Variants in MROH1 observed in about 807,000 individuals in gnomAD.
MROH1 encodes the protein maestro heat-like repeat-containing protein family member 1.
A neutral mutation model predicts 116.5 loss-of-function variants in MROH1; 117 were observed. The ratio of observed to expected loss-of-function variants is 1.00; its 90% CI spans 0.86 to 1.17. MROH1 has a LOEUF of 1.17. MROH1 is among the 50% of genes most tolerant of loss of function. The probability of loss-of-function intolerance (pLI) is 0.00; values close to 1 mark genes in which losing one functional copy is unlikely to be tolerated. For missense variants in MROH1, 1,873 were observed against 1,338.5 expected (o/e 1.40, Z -6.23); for synonymous variants, 921 against 583.9 (o/e 1.58, Z -8.32).
At chr8:144,221,087 G>A (rs1430340156) in intron 13 of MROH1, among the ~76,000 whole-genome samples, 1 of 152,182 alleles carries the variant, frequency 6.6e-6, no homozygotes, top group South Asian at 2.1e-4. Flanking sequence ...CCTCCCCTGG[G>A]GTCGCGGACA....
chr8:144,169,119 C>T (rs140302873), intron 4 of MROH1, among the ~76,000 whole-genome samples: 41 of 152,360 alleles, frequency 2.7e-4, no homozygotes, highest in African/African-American at 9.1e-4. Flanking sequence ...AGCGTTAGCA[C>T]TGCATTGTTT....
At chr8:144,228,857 T>C (rs1838294754) in intron 14 of MROH1, among the ~76,000 whole-genome samples, 2 of 152,242 alleles carry the variant, frequency 1.3e-5, no homozygotes, top group South Asian at 4.1e-4. Flanking sequence ...TGCTATTTGA[T>C]AGCATTTTAC....
At chr8:144,207,737 A>G (rs2132028384) in intron 12 of MROH1, among the ~76,000 whole-genome samples, 1 of 152,198 alleles carries the variant, frequency 6.6e-6, no homozygotes, top group Admixed American at 6.5e-5. Context: ...TCTTTATTGG[A>G]TACATAGAGA....
intron 12 of MROH1, among the ~76,000 whole-genome samples, chr8:144,205,241 G>A (rs1179959762): frequency 6.6e-6 from 1 of 152,194 alleles, no homozygotes; most frequent in East Asian, 1.9e-4. Context: ...GCAAGTTGAG[G>A]CCGTGGTTGG....
chr8:144,189,278 T>C (rs1827963522), intron 7 of MROH1, among the ~76,000 whole-genome samples: 1 of 152,184 alleles, frequency 6.6e-6, no homozygotes. Context: ...TTCAGGGCTC[T>C]GGACTTTGCC....
intron 35 of MROH1, among the ~76,000 whole-genome samples, chr8:144,257,719 G>A (rs1354513433): frequency 1.3e-5 from 2 of 152,374 alleles, no homozygotes; most frequent in African/African-American, 2.4e-5. Flanking sequence ...CAGGGGCCCT[G>A]TGGGACACCT....
intron 28 of MROH1, 116 bp downstream of exon 28, chr8:144,244,655 A>T (rs1841581720): frequency 1.4e-6 from 1 of 691,326 alleles, no homozygotes; most frequent in African/African-American, 1.8e-5. Flanking sequence ...TGCTCTCTGC[A>T]CTTGGGGGTG....
chr8:144,231,771 G>A (rs11995892), intron 14 of MROH1, among the ~76,000 whole-genome samples: 9,205 of 152,254 alleles, frequency 0.06, 958 homozygotes, highest in African/African-American at 0.21. Context: ...AAAGGCGCCC[G>A]TAGACTCACT....
In MROH1 at chr8:144,261,837, T is replaced by A; in HGVS notation, c.*97T>A. On this transcript the variant is annotated 3_prime_UTR_variant, in exon 44 of 44. Transcript: ENST00000326134. The stretch of plus-strand genomic sequence containing the variant: ...GAGGACCACAGCCTGGGCACACGAC[T>A]GGAGGGGCCTGGCCCCAGAACAGGC... The A allele has an allele frequency of 4.3e-6, 3 of 698,378 alleles. No homozygotes were observed. Among genetic ancestry groups the A allele is most frequent in the South Asian group, 3.0e-5 (2 of 67,076 alleles). The allele number at this position is 698,378 out of a possible 1,614,324, so 43.3% of individuals were successfully genotyped here.
At chr8:144,148,275 C>T (rs923803177) in intron 1 of MROH1, among the ~76,000 whole-genome samples, 199 bp downstream of exon 1, 6 of 152,202 alleles carry the variant, frequency 3.9e-5, no homozygotes, top group Non-Finnish European at 5.9e-5. Context: ...GTGCGCCGCG[C>T]CACAGCCCGG....
chr8:144,196,406 G>A (rs2131702165), intron 10 of MROH1, among the ~76,000 whole-genome samples: 1 of 151,712 alleles, frequency 6.6e-6, no homozygotes, highest in African/African-American at 2.4e-5. Context: ...GCCCAGGCTG[G>A]AGTGCAGTGG....
At chr8:144,215,139 C>T (rs1368403288) in intron 12 of MROH1, among the ~76,000 whole-genome samples, 3 of 152,212 alleles carry the variant, frequency 2.0e-5, no homozygotes, top group Admixed American at 2.0e-4. Flanking sequence ...CATCCAGGAA[C>T]AATACTTTGC....
chr8:144,199,376 A>T (rs1177151097), intron 11 of MROH1, among the ~76,000 whole-genome samples, 176 bp downstream of exon 11: 3 of 152,110 alleles, frequency 2.0e-5, no homozygotes, highest in Non-Finnish European at 4.4e-5. Flanking sequence ...GGGCCTGGGC[A>T]GTGGCTGCAG....
In MROH1 at chr8:144,175,552, T is replaced by C. The variant is rs144022177; in HGVS notation, c.169-3903T>C. The C allele has an allele frequency of 1.0e-5, 10 of 985,440 alleles. No individual in the cohort carries two copies. In the African/African-American group the frequency reaches 1.7e-4, roughly 17 times the overall value. 61.0% of individuals were successfully genotyped at this position (985,440 alleles called of 1,614,324 possible). ...ATCCACCCACTTAGAGCCTCAGCTCTGCGACGTCCCAGGTGGGGATGGGCT... is the reference window on the plus strand; with the variant it reads ...ATCCACCCACTTAGAGCCTCAGCTCCGCGACGTCCCAGGTGGGGATGGGCT... On this transcript the variant is annotated intron_variant, in intron 4 of 43. Coordinates refer to ENST00000326134, the MANE Select transcript of MROH1 (RefSeq NM_032450.3).
Position 144,196,872 on chromosome 8 carries a change from G to C in MROH1, c.949-2250G>C, listed in dbSNP as rs1209098289. On this transcript the variant is annotated intron_variant, in intron 10 of 43. Transcript: ENST00000326134. ...AGCACTTTGGGAGACCGAGGCGGTG[G>C]ACCACGAGGTCAGGAGTTCAAGACC... 2.6e-5 allele frequency among the ~76,000 whole-genome samples: 4 copies of C among 151,332 alleles called. No homozygotes were observed. The South Asian group carries it at 8.4e-4, about 32-fold the overall frequency.
At chr8:144,230,561 T>C (rs1160756294) in intron 14 of MROH1, among the ~76,000 whole-genome samples, 1 of 151,998 alleles carries the variant, frequency 6.6e-6, no homozygotes, top group Non-Finnish European at 1.5e-5. Context: ...TAGTATTTTA[T>C]TGAGGATTTT....
At chr8:144,259,444 C>T (rs1277619087) in intron 37 of MROH1, 90 bp downstream of exon 37, 10 of 705,928 alleles carry the variant, frequency 1.4e-5, no homozygotes, top group East Asian at 8.1e-5. Context: ...CCCTAAAAGG[C>T]CCCCTCGACC....
Position 144,244,242 on chromosome 8 carries a change from A to G in MROH1, c.2576A>G (p.Asp859Gly), listed in dbSNP as rs1425912963. 2 of 718,066 alleles carry G rather than the reference A, an allele frequency of 2.8e-6. No homozygotes were observed. The highest frequency in any genetic ancestry group is 5.2e-6 in the Non-Finnish European group (2 of 384,960). 44.5% of individuals were successfully genotyped at this position (718,066 alleles called of 1,614,324 possible). A position where few individuals can be genotyped will look rare whatever the true frequency, so the allele number is the denominator to read the frequency against. Residue 859 changes from aspartate to glycine, a missense_variant, in exon 27 of 44, where the codon GAC becomes GGC. Coordinates refer to ENST00000326134, the MANE Select transcript of MROH1 (RefSeq NM_032450.3). ...TYLVSVEPALDEQARADVIHG... is the reference protein window; with the variant it reads ...TYLVSVEPALGEQARADVIHG... ...CTCAGCTCCGTGGAGCCAGCGCTGG[A>G]CGAGCAGGCCCGGGCGGATGTGATC...
In MROH1 at chr8:144,179,568, C is replaced by T. The variant is rs1476400264; in HGVS notation, c.282C>T (p.Ser94=). The T allele has an allele frequency of 5.0e-6, 8 of 1,611,072 alleles. No homozygotes were observed. The highest frequency in any genetic ancestry group is 1.1e-5 in the South Asian group (1 of 90,476). ...TASTIILLAS[S]EMTKTKDLVW... is the part of the protein sequence containing the mutation. ...GCACCATCATCCTCCTGGCCTCCAGCGAGATGACCAAGACGAAGGTATTCA... is the reference window on the plus strand; with the variant it reads ...GCACCATCATCCTCCTGGCCTCCAGTGAGATGACCAAGACGAAGGTATTCA... The change falls in exon 5 of 44, where the codon AGC becomes AGT. Residue 94 remains serine (S), a synonymous_variant. Coordinates refer to ENST00000326134, the MANE Select transcript of MROH1 (RefSeq NM_032450.3).
Sources: gnomAD v4.1 joint callset for allele counts (sites outside exome capture counted in the v4.1 genomes callset) on GRCh38, gnomAD v4.1.1 for gene constraint, MANE v1.5 for transcripts, NCBI Gene and HGNC (gene_info 2026-07-23, HGNC 2026-07-21) for gene names.